ANAPC10: variants seen among roughly 807,000 people sequenced by gnomAD.
The protein encoded by ANAPC10 is anaphase-promoting complex subunit 10.
A neutral mutation model predicts 22.0 loss-of-function variants in ANAPC10; 12 were observed. The ratio of observed to expected loss-of-function variants is 0.55; its 90% CI spans 0.35 to 0.88. The LOEUF (loss-of-function observed/expected upper bound fraction) is 0.88, where lower values mean the gene tolerates loss of function less well. Among genes scored for constraint, ANAPC10 ranks in the 40% least tolerant of loss-of-function variants. The pLI is 0.01. For missense variants in ANAPC10, 188 were observed against 220.9 expected (o/e 0.85, Z 0.94); for synonymous variants, 65 against 69.5 (o/e 0.94, Z 0.32).
At chr4:145,046,673 T>G (rs781708173) in intron 4 of ANAPC10, among the ~76,000 whole-genome samples, 8 of 152,076 alleles carry the variant, frequency 5.3e-5, no homozygotes, top group Non-Finnish European at 1.0e-4. Flanking sequence ...TCTACTCGAA[T>G]GCCAGGGGAA....
intron 3 of ANAPC10, among the ~76,000 whole-genome samples, chr4:145,077,086 C>A (rs1383131461): frequency 6.6e-6 from 1 of 152,128 alleles, no homozygotes; most frequent in African/African-American, 2.4e-5. Context: ...GTAGTCCCAG[C>A]TACTCAGGAG....
chr4:145,028,587 G>C (rs1391793222), intron 4 of ANAPC10, among the ~76,000 whole-genome samples: 2 of 152,112 alleles, frequency 1.3e-5, no homozygotes, highest in African/African-American at 4.8e-5. Context: ...TTGTTTCATT[G>C]GTTTTGAGGT....
At chr4:145,047,649 C>G (rs1740520083) in intron 4 of ANAPC10, among the ~76,000 whole-genome samples, 1 of 152,062 alleles carries the variant, frequency 6.6e-6, no homozygotes, top group Non-Finnish European at 1.5e-5. Flanking sequence ...ACAATTCCCT[C>G]TCAACACAAG....
At chr4:145,026,391 T>C (rs1315567496) in intron 4 of ANAPC10, among the ~76,000 whole-genome samples, 4 of 152,072 alleles carry the variant, frequency 2.6e-5, no homozygotes, top group Non-Finnish European at 4.4e-5. Flanking sequence ...AGTGATTACA[T>C]AGCATATAAG....
At chr4:145,093,051 A>G (rs1331523724) in intron 2 of ANAPC10, among the ~76,000 whole-genome samples, 1 of 152,200 alleles carries the variant, frequency 6.6e-6, no homozygotes, top group Admixed American at 6.5e-5. Flanking sequence ...CTAGGAAAAC[A>G]GAGAACTAAC....
At chr4:145,013,410 T>C (rs1418718046) in intron 4 of ANAPC10, among the ~76,000 whole-genome samples, 2 of 152,048 alleles carry the variant, frequency 1.3e-5, no homozygotes, top group Non-Finnish European at 2.9e-5. Flanking sequence ...TTGTTAATAG[T>C]AGAAAAGAGA....
intron 3 of ANAPC10, among the ~76,000 whole-genome samples, chr4:145,065,232 A>G (rs545987980): frequency 1.3e-5 from 2 of 151,840 alleles, no homozygotes; most frequent in Non-Finnish European, 2.9e-5. Flanking sequence ...TTCTTTTGCT[A>G]TTGATTTTAA....
At chr4:145,041,312 C>T (rs1369317000) in intron 4 of ANAPC10, among the ~76,000 whole-genome samples, 1 of 152,164 alleles carries the variant, frequency 6.6e-6, no homozygotes, top group Non-Finnish European at 1.5e-5. Flanking sequence ...AACTCTATTA[C>T]TTACAGCTTA....
intron 2 of ANAPC10, among the ~76,000 whole-genome samples, chr4:145,094,778 A>G (rs572353219): frequency 6.6e-6 from 1 of 152,188 alleles, no homozygotes; most frequent in South Asian, 2.1e-4. Flanking sequence ...AGATGCTTCC[A>G]GAAAAAAACA....
intron 2 of ANAPC10, among the ~76,000 whole-genome samples, chr4:145,083,117 C>T (rs1746321035): frequency 6.6e-6 from 1 of 151,984 alleles, no homozygotes. Context: ...GAGTTTTTTA[C>T]CATACGAATA....
chr4:145,072,733 G>A (rs1189301929), intron 3 of ANAPC10, among the ~76,000 whole-genome samples: 1 of 152,088 alleles, frequency 6.6e-6, no homozygotes, highest in Non-Finnish European at 1.5e-5. Context: ...AGATGGTTCA[G>A]TCACAATCTT....
chr4:145,081,452 T>C (rs568142423), intron 3 of ANAPC10: 5 of 414,384 alleles, frequency 1.2e-5, no homozygotes, highest in African/African-American at 6.1e-5. Flanking sequence ...CTATGCAACA[T>C]ACCATAAGAA....
At chr4:145,086,081 T>A (rs926011114) in intron 2 of ANAPC10, among the ~76,000 whole-genome samples, 9 of 151,936 alleles carry the variant, frequency 5.9e-5, no homozygotes, top group Non-Finnish European at 1.5e-5. Context: ...TGCCTCAGCC[T>A]CCCCCAGAGT....
intron 4 of ANAPC10, among the ~76,000 whole-genome samples, chr4:145,029,612 C>G (rs556506333): frequency 6.6e-6 from 1 of 152,110 alleles, no homozygotes; most frequent in Non-Finnish European, 1.5e-5. Context: ...AGGGACTCTG[C>G]TTTTAATGTT....
rs112946855 is a variant in ANAPC10, at chr4:145,085,822, C to T, written c.116-4072G>A. Among the ~76,000 whole-genome samples, 721 of 151,940 alleles carry T rather than the reference C, an allele frequency of 4.7e-3. 2 individuals carry two copies. The highest frequency in any genetic ancestry group is 0.014 in the Middle Eastern group (4 of 292). ...TTATGTGCCAATCCCGTCTCAACCT[C>T]TTTTCCAAAGCTTCCCACTCAGTAT... On this transcript the variant is annotated intron_variant, in intron 2 of 4. Coordinates refer to ENST00000507656, the MANE Select transcript of ANAPC10 (RefSeq NM_001256706.2).
intron 2 of ANAPC10, among the ~76,000 whole-genome samples, chr4:145,084,171 T>A (rs1426327123): frequency 1.3e-5 from 2 of 152,220 alleles, no homozygotes; most frequent in Non-Finnish European, 2.9e-5. Flanking sequence ...CTGTTCCACG[T>A]AATCCAAACA....
intron 4 of ANAPC10, among the ~76,000 whole-genome samples, chr4:145,029,999 G>C (rs192949797): frequency 6.6e-6 from 1 of 152,298 alleles, no homozygotes; most frequent in Non-Finnish European, 1.5e-5. Flanking sequence ...TCCCAAGGTG[G>C]CAGGCGCTAA....
chr4:145,017,499 G>A (rs1735358810), intron 4 of ANAPC10, among the ~76,000 whole-genome samples: 1 of 152,176 alleles, frequency 6.6e-6, no homozygotes, highest in Non-Finnish European at 1.5e-5. Flanking sequence ...TGGAGAAATA[G>A]GAACACTTTT....
At chr4:145,015,969 T>C (rs1213337318) in intron 4 of ANAPC10, among the ~76,000 whole-genome samples, 1 of 152,030 alleles carries the variant, frequency 6.6e-6, no homozygotes, top group Non-Finnish European at 1.5e-5. Flanking sequence ...TGGAAACACA[T>C]CAAAACAGAA....
Sources: gnomAD v4.1 joint callset for allele counts (sites outside exome capture counted in the v4.1 genomes callset) on GRCh38, gnomAD v4.1.1 for gene constraint, MANE v1.5 for transcripts, NCBI Gene and HGNC (gene_info 2026-07-23, HGNC 2026-07-21) for gene names.